The following GRIN3A variants were observed in gnomAD, a reference collection of about 807,000 sequenced individuals.
GRIN3A encodes glutamate receptor ionotropic, NMDA 3A.
GRIN3A carries 47 observed loss-of-function variants against 92.4 expected under a neutral mutation model. That is an observed-to-expected ratio of 0.51 (90% CI 0.40 to 0.65). The LOEUF is 0.65. GRIN3A is among the 30% of genes least tolerant of loss of function. The pLI is 0.00. For synonymous variants in GRIN3A, 527 were observed against 540.6 expected (o/e 0.97, Z 0.35); for missense variants, 1,324 against 1,393.1 (o/e 0.95, Z 0.79).
chr9:101,642,661 G>T (rs545834002), intron 3 of GRIN3A, among the ~76,000 whole-genome samples: 1 of 152,254 alleles, frequency 6.6e-6, no homozygotes, highest in South Asian at 2.1e-4. Flanking sequence ...ACTGGTGGGT[G>T]AGCAATGAAG....
intron 6 of GRIN3A, among the ~76,000 whole-genome samples, chr9:101,589,619 C>G (rs1226155013): frequency 6.6e-6 from 1 of 151,748 alleles, no homozygotes; most frequent in African/African-American, 2.4e-5. Context: ...CACAATGAAG[C>G]TTTTTTTTGA....
At chr9:101,650,897 C>CA (rs1216193880) in intron 3 of GRIN3A, among the ~76,000 whole-genome samples, 1 of 151,982 alleles carries the variant, frequency 6.6e-6, no homozygotes, top group Non-Finnish European at 1.5e-5. Flanking sequence ...GTAAGTATCA[C>CA]CTTTTTTCTC....
At chr9:101,694,565 C>T (rs1024766753) in intron 1 of GRIN3A, among the ~76,000 whole-genome samples, 3 of 152,170 alleles carry the variant, frequency 2.0e-5, no homozygotes, top group Non-Finnish European at 2.9e-5. Flanking sequence ...AGTATGGTTA[C>T]ACTTTGTTTC....
intron 3 of GRIN3A, among the ~76,000 whole-genome samples, chr9:101,643,346 T>C (rs898103506): frequency 6.6e-6 from 1 of 152,084 alleles, no homozygotes; most frequent in South Asian, 2.1e-4. Flanking sequence ...AAAACCACAA[T>C]GAGTTATCAC....
intron 1 of GRIN3A, among the ~76,000 whole-genome samples, chr9:101,731,203 A>C (rs1411043777): frequency 3.3e-5 from 5 of 152,156 alleles, no homozygotes; most frequent in African/African-American, 9.7e-5. Flanking sequence ...GGGATATTAC[A>C]AAAGCTGTGA....
chr9:101,703,578 T>A (rs912491372), intron 1 of GRIN3A, among the ~76,000 whole-genome samples: 1 of 152,188 alleles, frequency 6.6e-6, no homozygotes, highest in Non-Finnish European at 1.5e-5. Flanking sequence ...AAACTGTAAG[T>A]CCCTAGAGGG....
At chr9:101,599,318 G>C (rs752368527) in intron 6 of GRIN3A, among the ~76,000 whole-genome samples, 6 of 152,120 alleles carry the variant, frequency 3.9e-5, no homozygotes, top group Non-Finnish European at 8.8e-5. Context: ...AAATAATTCA[G>C]GTGTACAAGC....
At chr9:101,657,059 A>G (rs1829099523) in intron 3 of GRIN3A, among the ~76,000 whole-genome samples, 1 of 151,952 alleles carries the variant, frequency 6.6e-6, no homozygotes, top group Non-Finnish European at 1.5e-5. Context: ...CATCTCTTTC[A>G]GATAACGTTT....
chr9:101,594,262 G>T, intron 6 of GRIN3A: 4 of 984,620 alleles, frequency 4.1e-6, no homozygotes, highest in Non-Finnish European at 4.4e-6. Context: ...GCACTGAGTT[G>T]GTGATGAAGC....
chr9:101,698,724 G>A (rs1266049555), intron 1 of GRIN3A, among the ~76,000 whole-genome samples: 1 of 152,118 alleles, frequency 6.6e-6, no homozygotes, highest in Non-Finnish European at 1.5e-5. Flanking sequence ...CTGGAGTGCA[G>A]TGGCGGGATC....
chr9:101,590,991 T>G (rs150411956), intron 6 of GRIN3A, among the ~76,000 whole-genome samples: 61 of 152,274 alleles, frequency 4.0e-4, no homozygotes, highest in African/African-American at 1.5e-3. Context: ...TGAGGCCATA[T>G]TTTTTTCTCT....
chr9:101,636,766 T>C (rs1424270496), intron 3 of GRIN3A, among the ~76,000 whole-genome samples: 1 of 152,174 alleles, frequency 6.6e-6, no homozygotes, highest in East Asian at 1.9e-4. Context: ...GCCCGTGACC[T>C]TTGGGTTTAT....
Position 101,613,480 on chromosome 9 carries a change from A to C in GRIN3A, c.2662T>G (p.Ser888Ala). Reference sequence around the variant, plus strand: ...GACTTGTATTGACTGATTAGCTCGGATATGTTGGCGGTCAATGGAGAGTTG... The same window carrying C: ...GACTTGTATTGACTGATTAGCTCGGCTATGTTGGCGGTCAATGGAGAGTTG... ...PPNSPLTANI[S>A]ELISQYKSHG... Residue 888 changes from serine (S) to alanine (A), a missense_variant, in exon 6 of 9, where the codon TCC becomes GCC. Coordinates refer to ENST00000361820, the MANE Select transcript of GRIN3A (RefSeq NM_133445.3). The C allele has an allele frequency of 1.2e-6, 2 of 1,614,200 alleles. No individual in the cohort carries two copies. Among genetic ancestry groups the C allele is most frequent in the Non-Finnish European group, 8.5e-7 (1 of 1,180,014 alleles).
intron 6 of GRIN3A, among the ~76,000 whole-genome samples, chr9:101,598,500 C>T (rs932724545): frequency 6.6e-6 from 1 of 152,008 alleles, no homozygotes; most frequent in Non-Finnish European, 1.5e-5. Flanking sequence ...CTTAACAGTC[C>T]ACTTAGTAGC....
intron 1 of GRIN3A, among the ~76,000 whole-genome samples, chr9:101,719,288 A>G (rs1402490043): frequency 6.6e-6 from 1 of 152,038 alleles, no homozygotes; most frequent in African/African-American, 2.4e-5. Context: ...GTGTGGTGGC[A>G]TGCGCCTGTA....
At chr9:101,579,414 A>G (rs1827863389) in intron 6 of GRIN3A, 54 bp from the exon 7 acceptor site, 2 of 1,559,848 alleles carry the variant, frequency 1.3e-6, no homozygotes, top group South Asian at 1.1e-5. Flanking sequence ...ACCTGGCCCA[A>G]TGCTTGTGTA....
intron 4 of GRIN3A, among the ~76,000 whole-genome samples, chr9:101,624,659 A>G (rs1828607201): frequency 6.6e-6 from 1 of 152,034 alleles, no homozygotes; most frequent in South Asian, 2.1e-4. Flanking sequence ...AGTCTTTGCT[A>G]TTGTGAATAG....
At chr9:101,590,173 G>A (rs951779832) in intron 6 of GRIN3A, among the ~76,000 whole-genome samples, 6 of 152,114 alleles carry the variant, frequency 3.9e-5, no homozygotes, top group South Asian at 4.2e-4. Context: ...CTGCTACTAC[G>A]GTGACCCTTC....
chr9:101,602,954 T>C (rs1417173906), intron 6 of GRIN3A: 1 of 152,152 alleles, frequency 6.6e-6, no homozygotes, highest in Non-Finnish European at 1.5e-5. Context: ...CAAGTTACCA[T>C]TGTTTCCGTA....
Sources: allele counts gnomAD v4.1 joint callset (sites outside exome capture counted in the v4.1 genomes callset), GRCh38; gene constraint gnomAD v4.1.1; transcripts MANE v1.5; gene names NCBI Gene and HGNC (gene_info 2026-07-23, HGNC 2026-07-21).